SAMD4A: variants seen among roughly 807,000 people sequenced by gnomAD.
The protein encoded by SAMD4A is sterile alpha motif domain containing 4A.
SAMD4A carries 33 observed loss-of-function variants against 81.3 expected under a neutral mutation model. The ratio of observed to expected loss-of-function variants is 0.41; its 90% confidence interval spans 0.31 to 0.54. The LOEUF (loss-of-function observed/expected upper bound fraction) is 0.54. SAMD4A is among the 20% of genes least tolerant of loss of function. The pLI, the probability that SAMD4A is intolerant of heterozygous loss-of-function variation, is 0.37. For missense variants in SAMD4A, 854 were observed against 951.1 expected (o/e 0.90, Z 1.34); for synonymous variants, 389 against 382.1 (o/e 1.02, Z -0.21).
intron 2 of SAMD4A, among the ~76,000 whole-genome samples, chr14:54,618,441 C>T (rs2034540704): frequency 6.6e-6 from 1 of 152,194 alleles, no homozygotes. Context: ...GCAGTATCTA[C>T]TGAGAAGCAA....
chr14:54,775,402 A>G (rs2038816772), intron 10 of SAMD4A, among the ~76,000 whole-genome samples: 1 of 152,156 alleles, frequency 6.6e-6, no homozygotes, highest in South Asian at 2.1e-4. Context: ...TGCAAGACCT[A>G]TTTCTTCTTT....
At chr14:54,748,738 C>G in intron 4 of SAMD4A, 77 bp from the exon 5 acceptor site, 1 of 978,288 alleles carries the variant, frequency 1.0e-6, no homozygotes, top group Non-Finnish European at 1.6e-6. Flanking sequence ...TTTCCTTTCT[C>G]TGTTCCTACA....
chr14:54,567,023 C>G (rs1292758045), upstream of SAMD4A: 1 of 153,318 alleles, frequency 6.5e-6, no homozygotes. Context: ...TCGGCTGCTT[C>G]TCTGGGAGGA....
At chr14:54,573,581 C>A (rs1485242932) in intron 2 of SAMD4A, among the ~76,000 whole-genome samples, 1 of 152,158 alleles carries the variant, frequency 6.6e-6, no homozygotes, top group Non-Finnish European at 1.5e-5. Context: ...TCGTAGAAAT[C>A]TTTTCTTTTC....
intron 2 of SAMD4A, among the ~76,000 whole-genome samples, chr14:54,579,488 A>G (rs2033402876): frequency 6.6e-6 from 1 of 152,258 alleles, no homozygotes; most frequent in Non-Finnish European, 1.5e-5. Context: ...AATGTTGGCA[A>G]TTGAACAAAA....
At chr14:54,779,104 GCTTCTGCTCTTCCTGGATTCAGAGCCT>G (rs1204231402) in intron 11 of SAMD4A, among the ~76,000 whole-genome samples, 16 of 151,906 alleles carry the variant, frequency 1.1e-4, no homozygotes, top group Non-Finnish European at 1.9e-4. Flanking sequence ...ATTCAGAGCC[GCTTCTGCTCTTCCTGGATTCAGAGCCT>G]CTTCTGCAGA....
chr14:54,765,496 A>G (rs1381637144), intron 8 of SAMD4A, among the ~76,000 whole-genome samples: 3 of 149,344 alleles, frequency 2.0e-5, no homozygotes, highest in African/African-American at 7.4e-5. Context: ...GGTGGCGCAC[A>G]CCTGTAATCC....
At chr14:54,718,191 C>T (rs956056804) in intron 3 of SAMD4A, among the ~76,000 whole-genome samples, 1 of 152,178 alleles carries the variant, frequency 6.6e-6, no homozygotes, top group Non-Finnish European at 1.5e-5. Context: ...TCTCCATTCA[C>T]GTCTGCATGT....
At chr14:54,578,752 A>T (rs915382588) in intron 2 of SAMD4A, among the ~76,000 whole-genome samples, 3 of 152,146 alleles carry the variant, frequency 2.0e-5, no homozygotes, top group African/African-American at 7.2e-5. Flanking sequence ...CTTGATTTCC[A>T]GTGTATTCCT....
At chr14:54,760,131 A>T (rs750892888) in intron 6 of SAMD4A, 30 bp from the exon 7 acceptor site, 1 of 1,601,920 alleles carries the variant, frequency 6.2e-7, no homozygotes, top group Non-Finnish European at 8.5e-7. Flanking sequence ...TCCTGAGCCT[A>T]ACAGAGGTCT....
chr14:54,649,631 A>G (rs2035360936), intron 2 of SAMD4A, among the ~76,000 whole-genome samples: 2 of 152,210 alleles, frequency 1.3e-5, no homozygotes, highest in Non-Finnish European at 2.9e-5. Context: ...CTCCTTGTGC[A>G]TGAATGTATT....
At chr14:54,749,955 A>G (rs866964931) in intron 5 of SAMD4A, among the ~76,000 whole-genome samples, 4 of 152,318 alleles carry the variant, frequency 2.6e-5, no homozygotes, top group African/African-American at 7.2e-5. Context: ...CGGACTCCCA[A>G]TATGGAGACA....
At chr14:54,710,537 A>G (rs1030113599) in intron 3 of SAMD4A, among the ~76,000 whole-genome samples, 5 of 152,296 alleles carry the variant, frequency 3.3e-5, no homozygotes, top group African/African-American at 1.2e-4. Flanking sequence ...AATCGATGTT[A>G]TTACTTGCCT....
At chr14:54,778,720 CGCTCTAAATTTCCT>C (rs1268768220) in intron 11 of SAMD4A, among the ~76,000 whole-genome samples, 1 of 152,150 alleles carries the variant, frequency 6.6e-6, no homozygotes, top group Admixed American at 6.5e-5. Context: ...GGAAAAAGCC[CGCTCTAAATTTCCT>C]GATTGCAAAT....
At chr14:54,748,755 G>A (rs1213686196) in intron 4 of SAMD4A, 60 bp from the exon 5 acceptor site, 15 of 1,166,752 alleles carry the variant, frequency 1.3e-5, no homozygotes, top group Middle Eastern at 3.8e-4. Flanking sequence ...TACATCTCTC[G>A]TCATCTCTTC....
At chr14:54,583,287 T>C (rs768654438) in intron 2 of SAMD4A, among the ~76,000 whole-genome samples, 15 of 152,226 alleles carry the variant, frequency 9.9e-5, no homozygotes, top group African/African-American at 4.8e-5. Context: ...GGCATACTTA[T>C]ACCACATATA....
chr14:54,779,397 T>A (rs2038943089), intron 11 of SAMD4A, among the ~76,000 whole-genome samples: 1 of 152,268 alleles, frequency 6.6e-6, no homozygotes. Flanking sequence ...GGCTGTTAGA[T>A]GTCTTCAGAG....
chr14:54,635,825 A>G (rs2035022554), intron 2 of SAMD4A, among the ~76,000 whole-genome samples: 1 of 152,204 alleles, frequency 6.6e-6, no homozygotes, highest in African/African-American at 2.4e-5. Context: ...AGGACTTGAA[A>G]TTTCAGTGAT....
rs192362341 is a variant in SAMD4A at position 54,784,905 on chromosome 14, G to C, written c.2128+285G>C. ...CTGTCCCCAGAAGCTCCACCTCCCAGTGCACATGGGAATCACACCACAGCA... is the reference window on the plus strand; with the variant it reads ...CTGTCCCCAGAAGCTCCACCTCCCACTGCACATGGGAATCACACCACAGCA... On this transcript the variant is annotated intron_variant, in intron 12 of 12. Transcript: ENST00000554335. Among the ~76,000 whole-genome samples, 537 of 152,270 alleles carry C rather than the reference G, an allele frequency of 3.5e-3. 4 individuals carry two copies. Among genetic ancestry groups the C allele is most frequent in the African/African-American group, 0.012 (514 of 41,550 alleles).
Sources: gnomAD v4.1 joint callset for allele counts (sites outside exome capture counted in the v4.1 genomes callset) on GRCh38, gnomAD v4.1.1 for gene constraint, MANE v1.5 for transcripts, NCBI Gene and HGNC (gene_info 2026-07-23, HGNC 2026-07-21) for gene names.